NRP2: variants seen among roughly 807,000 people sequenced by gnomAD.
NRP2 encodes neuropilin-2.
Under a neutral mutation model 110.4 loss-of-function variants are expected in NRP2, and 52 were observed. That is an observed-to-expected ratio of 0.47 (90% CI 0.38 to 0.59). The LOEUF is 0.59. NRP2 is among the 20% of genes least tolerant of loss of function. The pLI is 0.00. For synonymous variants in NRP2, 508 were observed against 468.9 expected (o/e 1.08, Z -1.08); for missense variants, 1,049 against 1,203.0 (o/e 0.87, Z 1.89).
chr2:205,715,431 G>T (rs564867909), intron 2 of NRP2, among the ~76,000 whole-genome samples: 1 of 152,174 alleles, frequency 6.6e-6, no homozygotes, highest in Non-Finnish European at 1.5e-5. Flanking sequence ...CGTAGACAGT[G>T]GGCCCCTGGA....
chr2:205,795,262 C>T lies in NRP2; in HGVS notation c.*204C>T, dbSNP rs1037934856. 1.5e-5 allele frequency: 9 copies of T among 607,714 alleles called. No homozygotes were observed. The highest frequency in any genetic ancestry group is 3.7e-5 in the African/African-American group (2 of 54,712). The allele number at this position is 607,714 out of a possible 1,614,324, so 37.6% of individuals were successfully genotyped here. A position where few individuals can be genotyped will look rare whatever the true frequency, so the allele number is the denominator to read the frequency against. On this transcript the variant is annotated 3_prime_UTR_variant, in exon 17 of 17. Transcript: ENST00000357785. Reference sequence around the variant, plus strand: ...GGGGATGATTACCCTCCTAGGACCGCGGTGGCTAAGTCATTGCAGGAACGG... The same window carrying T: ...GGGGATGATTACCCTCCTAGGACCGTGGTGGCTAAGTCATTGCAGGAACGG...
intron 13 of NRP2, 31 bp from the exon 14 acceptor site, chr2:205,765,443 T>C (rs1291982104): frequency 1.3e-6 from 2 of 1,593,726 alleles, no homozygotes; most frequent in Non-Finnish European, 8.6e-7. Context: ...GAGACTCAGT[T>C]AACCATGGCT....
Position 205,795,011 on chromosome 2 carries a change from A to G in NRP2, c.2734A>G (p.Lys912Glu). 6.2e-7 allele frequency: 1 copy of G among 1,614,156 alleles called. No homozygotes were observed. The highest frequency in any genetic ancestry group is 1.1e-5 in the South Asian group (1 of 91,076). ...CAACTTCGAGCTCTACGATGGCCTT[A>G]AGCACAAGGTCAAGATGAACCACCA... ...NYNFELYDGL[K>E]HKVKMNHQKC... is the part of the protein sequence containing the mutation. The change falls in exon 17 of 17, where the codon AAG becomes GAG. Residue 912 changes from lysine (K) to glutamate (E), a missense_variant. Lys to Glu is a moderately conservative substitution (Grantham distance 56). Coordinates refer to ENST00000357785, the MANE Select transcript of NRP2 (RefSeq NM_003872.3).
intron 11 of NRP2, among the ~76,000 whole-genome samples, chr2:205,751,673 C>G (rs796086070): frequency 5.3e-5 from 8 of 152,302 alleles, no homozygotes; most frequent in African/African-American, 1.9e-4. Flanking sequence ...CCCTGCCCCC[C>G]ATGAGGTGAG....
intron 11 of NRP2, 44 bp from the exon 12 acceptor site, chr2:205,752,791 C>G: frequency 6.2e-7 from 1 of 1,610,844 alleles, no homozygotes; most frequent in East Asian, 2.2e-5. Flanking sequence ...TTCTCTGAAC[C>G]CATTTCATTT....
At chr2:205,741,361 A>C (rs2057438668) in intron 8 of NRP2, among the ~76,000 whole-genome samples, 1 of 152,202 alleles carries the variant, frequency 6.6e-6, no homozygotes. Context: ...AATAACAGAC[A>C]TTACCTGGTG....
At position 205,700,022 on chromosome 2, in the gene NRP2, T is replaced by C. The variant is rs532839948; in HGVS notation, c.251+2301T>C. 5.3e-5 allele frequency among the ~76,000 whole-genome samples: 8 copies of C among 152,142 alleles called. No individual in the cohort carries two copies. The South Asian group carries it at 1.0e-3, about 20-fold the overall frequency. Reference sequence around the variant, plus strand: ...ATTTTTGTATTTAGAAAGACTCATCTGGTTTTCTCAGCCTCTCACTCTTCA... The same window carrying C: ...ATTTTTGTATTTAGAAAGACTCATCCGGTTTTCTCAGCCTCTCACTCTTCA... On this transcript the variant is annotated intron_variant, in intron 2 of 16. Coordinates refer to ENST00000357785, the MANE Select transcript of NRP2 (RefSeq NM_003872.3).
At chr2:205,770,668 C>A (rs2058007415) in intron 15 of NRP2, among the ~76,000 whole-genome samples, 1 of 152,186 alleles carries the variant, frequency 6.6e-6, no homozygotes, top group Non-Finnish European at 1.5e-5. Context: ...TTAAATGGTG[C>A]TTTTGCACAT....
At chr2:205,701,744 G>A (rs1256045797) in intron 2 of NRP2, among the ~76,000 whole-genome samples, 1 of 152,162 alleles carries the variant, frequency 6.6e-6, no homozygotes, top group Non-Finnish European at 1.5e-5. Context: ...CCATTTAGGT[G>A]AAGTGTCCAG....
At chr2:205,694,266 T>C (rs1559306839) in intron 1 of NRP2, among the ~76,000 whole-genome samples, 1 of 152,226 alleles carries the variant, frequency 6.6e-6, no homozygotes, top group Admixed American at 6.5e-5. Flanking sequence ...GTAGTACTTA[T>C]AAGAGGAAAA....
intron 5 of NRP2, among the ~76,000 whole-genome samples, chr2:205,724,320 C>G (rs1282271714): frequency 6.6e-6 from 1 of 152,172 alleles, no homozygotes; most frequent in Non-Finnish European, 1.5e-5. Flanking sequence ...TTTTTTCCCT[C>G]TCAAAATCTC....
chr2:205,783,708 T>A (rs1404744582), intron 15 of NRP2, among the ~76,000 whole-genome samples: 1 of 152,188 alleles, frequency 6.6e-6, no homozygotes, highest in Non-Finnish European at 1.5e-5. Flanking sequence ...CAGGGGCCAG[T>A]AGCAAGGAAT....
chr2:205,744,974 C>A (rs1430142313), intron 9 of NRP2, among the ~76,000 whole-genome samples: 1 of 152,186 alleles, frequency 6.6e-6, no homozygotes, highest in Non-Finnish European at 1.5e-5. Context: ...ATTGTGGACG[C>A]AGGGCATCCT....
rs566838427 is a variant in NRP2 at position 205,743,345 on chromosome 2, C to T, written c.1434C>T (p.Ile478=). The change falls in exon 9 of 17, where the codon ATC becomes ATT. Residue 478 remains isoleucine (I), a synonymous_variant. Transcript: ENST00000357785. ...VSSRSGWFPR[I]PQAQPGEEWL... is the part of the protein sequence containing the mutation. ...GCCGCTCGGGCTGGTTCCCTCGAAT[C>T]CCTCAGGCCCAGCCCGGTGAGGAGT... 3.1e-6 allele frequency: 5 copies of T among 1,614,230 alleles called. No homozygotes were observed. In the South Asian group the frequency reaches 5.5e-5, roughly 18 times the overall value.
At chr2:205,717,406 C>T (rs2056922505) in intron 3 of NRP2, among the ~76,000 whole-genome samples, 2 of 152,164 alleles carry the variant, frequency 1.3e-5, no homozygotes, top group African/African-American at 4.8e-5. Context: ...GGGAACTATT[C>T]ATATATATTT....
Position 205,726,082 on chromosome 2 carries a change from G to C in NRP2, c.990G>C (p.Gln330His), listed in dbSNP as rs1559329781. The change falls in exon 6 of 17, where the codon CAG becomes CAC. Residue 330 changes from glutamine to histidine, a missense_variant and splice_region_variant. Physicochemically the swap from Gln to His is conservative, Grantham distance 24. Transcript: ENST00000357785. Reference protein sequence around the residue: ...PNLDSNKEYLQVDLRFLTMLT... With the variant: ...PNLDSNKEYLHVDLRFLTMLT... ...TGGATTCCAACAAGGAGTATCTCCAGGTACTTGTGCAGATACCAGAGGATG... is the reference window on the plus strand; with the variant it reads ...TGGATTCCAACAAGGAGTATCTCCACGTACTTGTGCAGATACCAGAGGATG... The C allele has an allele frequency of 6.2e-7, 1 of 1,614,038 alleles. No individual in the cohort carries two copies. Among genetic ancestry groups the C allele is most frequent in the African/African-American group, 1.3e-5 (1 of 74,908 alleles).
At position 205,743,944 on chromosome 2, in the gene NRP2, G is replaced by A. The variant is rs1054776216; in HGVS notation, c.1641+392G>A. Among the ~76,000 whole-genome samples, 7 of 152,060 alleles carry A rather than the reference G, an allele frequency of 4.6e-5. No individual in the cohort carries two copies. In the East Asian group the frequency reaches 9.7e-4, roughly 21 times the overall value. Reference sequence around the variant, plus strand: ...TTTCTGGTAGAGATGGGGTTTCACCGTATTGGTCAGGCTGGTCTCGAACTC... The same window carrying A: ...TTTCTGGTAGAGATGGGGTTTCACCATATTGGTCAGGCTGGTCTCGAACTC... On this transcript the variant is annotated intron_variant, in intron 9 of 16. Transcript: ENST00000357785.
intron 1 of NRP2, chr2:205,685,703 C>G (rs1575530238): frequency 6.6e-6 from 1 of 152,582 alleles, no homozygotes; most frequent in African/African-American, 2.4e-5. Context: ...CCGGGCGCCC[C>G]CGCCAGTCCC....
chr2:205,782,264 AC>A (rs1361357701), intron 15 of NRP2, among the ~76,000 whole-genome samples: 1 of 152,090 alleles, frequency 6.6e-6, no homozygotes, highest in Non-Finnish European at 1.5e-5. Flanking sequence ...TGGGCATTGG[AC>A]CAAGAAATAG....
Sources: gnomAD v4.1 joint callset for allele counts (sites outside exome capture counted in the v4.1 genomes callset) on GRCh38, gnomAD v4.1.1 for gene constraint, MANE v1.5 for transcripts, NCBI Gene and HGNC (gene_info 2026-07-23, HGNC 2026-07-21) for gene names.